MTOR: variants seen among roughly 807,000 people sequenced by gnomAD.
MTOR encodes serine/threonine-protein kinase mTOR.
In MTOR, 70 loss-of-function variants were observed where a neutral mutation model predicts 319.8. The observed-to-expected ratio is 0.22, with a 90% confidence interval of 0.18 to 0.27. MTOR has a LOEUF of 0.27. Ranked by LOEUF, MTOR falls within the 10% of genes least tolerant of loss-of-function variation. MTOR has a pLI of 1.00. For synonymous variants in MTOR, 1,183 were observed against 1,211.4 expected, an observed-to-expected ratio of 0.98 and a Z score of 0.49; for missense variants, 1,890 against 3,274.4, an observed-to-expected ratio of 0.58 and a Z score of 10.32.
chr1:11,122,140 A>G lies in MTOR; in HGVS notation c.6663-14T>C, dbSNP rs1346285781. ...TATCTCTGGATGCTGGCGCCCACAG[A>G]AAAGCAGGGTTAGTGTACCGTAAAG... On this transcript the variant is annotated splice_polypyrimidine_tract_variant and intron_variant, in intron 47 of 57. Coordinates refer to ENST00000361445, the MANE Select transcript of MTOR (RefSeq NM_004958.4). 6.2e-7 allele frequency: 1 copy of G among 1,614,178 alleles called. No homozygotes were observed. Among genetic ancestry groups the G allele is most frequent in the African/African-American group, 1.3e-5 (1 of 75,056 alleles).
In MTOR at chr1:11,167,449, C is replaced by T. The variant is rs764244966; in HGVS notation, c.4322G>A (p.Gly1441Glu). The part of the protein sequence containing the change: ...GVLEYAMKHF[G>E]ELEIQATWYE... ...AAAGAATGAGGTGCTTACCAGCTCT[C>T]CAAAGTGTTTCATGGCATATTCTAA... is the stretch of plus-strand genomic sequence containing the variant. Residue 1441 changes from glycine to glutamate, a missense_variant, in exon 29 of 58, where the codon GGA becomes GAA. Gly to Glu is a moderately conservative substitution (Grantham distance 98). Coordinates refer to ENST00000361445, the MANE Select transcript of MTOR (RefSeq NM_004958.4). 3 of 1,613,520 alleles carry T rather than the reference C, an allele frequency of 1.9e-6. No individual in the cohort carries two copies. The highest frequency in any genetic ancestry group is 2.5e-6 in the Non-Finnish European group (3 of 1,179,680).
chr1:11,136,402 GA>G (rs1400648268), intron 36 of MTOR, among the ~76,000 whole-genome samples: 1 of 152,188 alleles, frequency 6.6e-6, no homozygotes, highest in Admixed American at 6.5e-5. Flanking sequence ...TCTTCACAGG[GA>G]TCCATTACTC....
At chr1:11,252,543 A>G (rs1435433319) in intron 6 of MTOR, among the ~76,000 whole-genome samples, 1 of 152,178 alleles carries the variant, frequency 6.6e-6, no homozygotes, top group Non-Finnish European at 1.5e-5. Context: ...GGTAGGTAAG[A>G]GCCCCTGTCC....
intron 30 of MTOR, among the ~76,000 whole-genome samples, chr1:11,153,217 G>C (rs770078901): frequency 2.0e-5 from 3 of 152,160 alleles, no homozygotes; most frequent in Admixed American, 6.5e-5. Context: ...GGTTTCAAGA[G>C]GGAAGAAACA....
In MTOR at chr1:11,109,410, G is replaced by A. The variant is rs758171817; in HGVS notation, c.7448-40C>T. 3 of 1,585,030 alleles carry A rather than the reference G, an allele frequency of 1.9e-6. No homozygotes were observed. The South Asian group carries it at 3.3e-5, about 18-fold the overall frequency. The stretch of plus-strand genomic sequence containing the variant: ...AGTAGAAATAACTGTAAGAATGGGA[G>A]CAATACAACAGGTTCAATGGGTGCC... On this transcript the variant is annotated intron_variant, in intron 55 of 57. Coordinates refer to ENST00000361445, the MANE Select transcript of MTOR (RefSeq NM_004958.4). This position sits in a 1 kb window ranked among gnomAD's most constrained non-coding sequence, Gnocchi z 4.0.
At chr1:11,250,644 T>A (rs1649553613) in intron 6 of MTOR, among the ~76,000 whole-genome samples, 1 of 152,130 alleles carries the variant, frequency 6.6e-6, no homozygotes. Flanking sequence ...AGTCTCATGA[T>A]GAAATAACAT....
chr1:11,239,072 C>T (rs1418523562), intron 11 of MTOR, among the ~76,000 whole-genome samples: 1 of 152,082 alleles, frequency 6.6e-6, no homozygotes, highest in Non-Finnish European at 1.5e-5. Flanking sequence ...CCGCGCCAGG[C>T]CTGACCCAGA....
intron 36 of MTOR, among the ~76,000 whole-genome samples, chr1:11,137,152 T>TAA (rs33927011): frequency 0.59 from 42,930 of 73,224 alleles, 13,857 homozygotes; most frequent in East Asian, 0.78. Context: ...TAAATCTGAT[T>TAA]AAAAAAAAAA....
intron 28 of MTOR, among the ~76,000 whole-genome samples, chr1:11,179,553 G>A (rs1395498021): frequency 6.6e-6 from 1 of 152,216 alleles, no homozygotes; most frequent in Non-Finnish European, 1.5e-5. Flanking sequence ...AGAAACCCCA[G>A]AACTCTCCTC....
At chr1:11,209,998 G>A (rs1304687076) in intron 24 of MTOR, among the ~76,000 whole-genome samples, 1 of 152,024 alleles carries the variant, frequency 6.6e-6, no homozygotes, top group East Asian at 1.9e-4. Flanking sequence ...CTCCTGAATA[G>A]TTGGGACTAC....
intron 28 of MTOR, among the ~76,000 whole-genome samples, chr1:11,181,417 C>G (rs973643402): frequency 6.6e-6 from 1 of 152,132 alleles, no homozygotes; most frequent in East Asian, 1.9e-4. Flanking sequence ...TCCAGCTACT[C>G]GGGAGGCTGA....
intron 8 of MTOR, 42 bp downstream of exon 8, chr1:11,247,583 T>A: frequency 8.9e-6 from 14 of 1,574,558 alleles, no homozygotes; most frequent in Non-Finnish European, 1.2e-5. Context: ...GTTCCCTGTT[T>A]ACCCTGAGAT....
chr1:11,165,402 A>G (rs1644611328), intron 29 of MTOR, among the ~76,000 whole-genome samples: 1 of 152,148 alleles, frequency 6.6e-6, no homozygotes, highest in African/African-American at 2.4e-5. Context: ...AAAGTCTCAG[A>G]ATACAAAATC....
At position 11,127,559 on chromosome 1, in the gene MTOR, T is replaced by G. The variant is rs538082145; in HGVS notation, c.6216+65A>C. Reference sequence around the variant, plus strand: ...TCATTCTATAAAAACTTTTCTCATTTCATTTTTTTTTAGTGGCAGAATATT... The same window carrying G: ...TCATTCTATAAAAACTTTTCTCATTGCATTTTTTTTTAGTGGCAGAATATT... On this transcript the variant is annotated intron_variant, in intron 44 of 57. Coordinates refer to ENST00000361445, the MANE Select transcript of MTOR (RefSeq NM_004958.4). This position sits in a 1 kb window ranked among gnomAD's most constrained non-coding sequence, Gnocchi z 5.5. 3.3e-6 allele frequency: 5 copies of G among 1,513,202 alleles called. No individual in the cohort carries two copies. The African/African-American group carries it at 7.0e-5, about 21-fold the overall frequency. 93.7% of individuals were successfully genotyped at this position (1,513,202 alleles called of 1,614,324 possible). A position where few individuals can be genotyped will look rare whatever the true frequency, so the allele number is the denominator to read the frequency against.
chr1:11,130,503 G>C (rs1462641841), intron 39 of MTOR, 26 bp downstream of exon 39: 14 of 1,602,396 alleles, frequency 8.7e-6, no homozygotes, highest in Non-Finnish European at 1.1e-5. Flanking sequence ...TTGGTTGGTT[G>C]TTAATAAGGA....
rs139669181 is a variant in MTOR, at chr1:11,113,943, G to A, written c.7300+375C>T. ...TGACTGAGTTCTCATGAGATCTGGT[G>A]GTTTTATAAGGGGCTTTTCTCCCCT... is the stretch of plus-strand genomic sequence containing the variant. On this transcript the variant is annotated intron_variant, in intron 53 of 57. Transcript: ENST00000361445. 9.9e-5 allele frequency among the ~76,000 whole-genome samples: 15 copies of A among 152,196 alleles called. No homozygotes were observed. In the East Asian group the frequency reaches 2.9e-3, roughly 29 times the overall value.
At chr1:11,124,057 G>C (rs1642686636) in intron 47 of MTOR, among the ~76,000 whole-genome samples, 2 of 152,164 alleles carry the variant, frequency 1.3e-5, no homozygotes, top group African/African-American at 4.8e-5. Flanking sequence ...CAAAGTGCTG[G>C]GATTATAGGC....
At chr1:11,162,001 G>A (rs1371880486) in intron 29 of MTOR, among the ~76,000 whole-genome samples, 1 of 152,212 alleles carries the variant, frequency 6.6e-6, no homozygotes. Flanking sequence ...AAAGGAGGAT[G>A]TTCAAACCCA....
chr1:11,219,648 T>C (rs528814455), intron 19 of MTOR, among the ~76,000 whole-genome samples: 1 of 152,178 alleles, frequency 6.6e-6, no homozygotes, highest in Non-Finnish European at 1.5e-5. Flanking sequence ...AGAAACAATA[T>C]ACACAATCAG....
Sources: allele counts gnomAD v4.1 joint callset (sites outside exome capture counted in the v4.1 genomes callset), GRCh38; gene constraint gnomAD v4.1.1; non-coding constraint Gnocchi (gnomAD v3.1); transcripts MANE v1.5; gene names NCBI Gene and HGNC (gene_info 2026-07-23, HGNC 2026-07-21).